The following DLG2 variants were observed in gnomAD, a reference collection of about 807,000 sequenced individuals.
DLG2 encodes disks large homolog 2.
Under a neutral mutation model 132.5 loss-of-function variants are expected in DLG2, and 45 were observed. The ratio of observed to expected loss-of-function variants is 0.34; its 90% CI spans 0.27 to 0.44. The LOEUF (loss-of-function observed/expected upper bound fraction) is 0.44, where lower values mean the gene tolerates loss of function less well. Among genes scored for constraint, DLG2 ranks in the 20% least tolerant of loss-of-function variants. The probability of loss-of-function intolerance (pLI) is 1.00; values close to 1 mark genes in which losing one functional copy is unlikely to be tolerated. For missense variants in DLG2, 1,045 were observed against 1,196.9 expected (o/e 0.87, Z 1.87); for synonymous variants, 424 against 419.6 (o/e 1.01, Z -0.13).
chr11:84,507,768 T>C (rs1413630994), intron 7 of DLG2, among the ~76,000 whole-genome samples: 1 of 152,226 alleles, frequency 6.6e-6, no homozygotes, highest in Non-Finnish European at 1.5e-5. Context: ...ATGTGGTGAA[T>C]ACATTTATTG....
Position 83,456,379 on chromosome 11 carries a change from G to T in DLG2, c.*3439C>A, listed in dbSNP as rs1336677559. 1 of 152,720 alleles carries T rather than the reference G, an allele frequency of 6.5e-6. No homozygotes were observed. Among genetic ancestry groups the T allele is most frequent in the African/African-American group, 2.4e-5 (1 of 41,456 alleles). The allele number at this position is 152,720 out of a possible 1,614,324, so 9.5% of individuals were successfully genotyped here. ...TTCTGGGCTGAGTAGGTGAAACGGC[G>T]ACCTAAAGTATTTGTGTCATTAGTC... On this transcript the variant is annotated 3_prime_UTR_variant, in exon 28 of 28. Coordinates refer to ENST00000376104, the MANE Select transcript of DLG2 (RefSeq NM_001142699.3).
At chr11:84,371,259 C>CTT (rs576166355) in intron 7 of DLG2, among the ~76,000 whole-genome samples, 7 of 137,706 alleles carry the variant, frequency 5.1e-5, no homozygotes, top group East Asian at 2.1e-4. Context: ...TATACAAAAT[C>CTT]TTTTTTTTTT....
chr11:84,021,633 C>T (rs1446613739), intron 11 of DLG2, among the ~76,000 whole-genome samples: 1 of 152,156 alleles, frequency 6.6e-6, no homozygotes. Context: ...GAAATCACTG[C>T]CGTCTAGATA....
chr11:84,804,907 G>A (rs2075820224), intron 6 of DLG2, among the ~76,000 whole-genome samples: 1 of 152,098 alleles, frequency 6.6e-6, no homozygotes, highest in Admixed American at 6.5e-5. Flanking sequence ...CAGTAGTAAA[G>A]CCATCCCTCC....
Position 85,124,961 on chromosome 11 carries a change from G to A in DLG2, c.283-13226C>T, listed in dbSNP as rs143609651. On this transcript the variant is annotated intron_variant, in intron 5 of 27. Transcript: ENST00000376104. ...TTCTCCTGCCTCAGCCTCCCAAGTA[G>A]CTGGGACTACAGGCATCCGCCACCA... Among the ~76,000 whole-genome samples, 1,477 of 152,076 alleles carry A rather than the reference G, an allele frequency of 9.7e-3. 21 individuals are homozygous for A. Among genetic ancestry groups the A allele is most frequent in the African/African-American group, 0.032 (1,341 of 41,488 alleles).
intron 6 of DLG2, among the ~76,000 whole-genome samples, chr11:84,808,853 G>T (rs1670592668): frequency 6.6e-6 from 1 of 151,890 alleles, no homozygotes; most frequent in South Asian, 2.1e-4. Flanking sequence ...AGGCTCAGAT[G>T]ATTTTACTGG....
chr11:84,717,180 G>A (rs1293933362), intron 6 of DLG2, among the ~76,000 whole-genome samples: 1 of 151,998 alleles, frequency 6.6e-6, no homozygotes, highest in Non-Finnish European at 1.5e-5. Flanking sequence ...AATGGTTTTA[G>A]ACTTTGCCAT....
chr11:84,849,371 T>C (rs904469704), intron 6 of DLG2, among the ~76,000 whole-genome samples: 9 of 152,182 alleles, frequency 5.9e-5, no homozygotes, highest in African/African-American at 1.9e-4. Context: ...CATTAACAGA[T>C]AGAATACCAT....
chr11:85,540,256 G>A (rs1436343611), intron 3 of DLG2, among the ~76,000 whole-genome samples: 3 of 152,042 alleles, frequency 2.0e-5, no homozygotes, highest in Non-Finnish European at 4.4e-5. Context: ...GACCACTCTG[G>A]CCCACCACAT....
intron 15 of DLG2, among the ~76,000 whole-genome samples, chr11:83,901,911 C>T (rs61901787): frequency 0.2 from 30,264 of 151,976 alleles, 3,167 homozygotes; most frequent in East Asian, 0.36. Flanking sequence ...ACATCAAACA[C>T]AATGTATGTA....
chr11:84,588,906 C>T lies in DLG2; in HGVS notation c.358-54175G>A, dbSNP rs546930820. 2.6e-5 allele frequency among the ~76,000 whole-genome samples: 4 copies of T among 152,162 alleles called. No individual in the cohort carries two copies. In the East Asian group the frequency reaches 5.8e-4, roughly 22 times the overall value. On this transcript the variant is annotated intron_variant, in intron 6 of 27. Transcript: ENST00000376104. ...TTGCTTTTACTTTACTCTATGGACT[C>T]GCCCTGAATTCTTTCTTGCCTGAGA...
At chr11:84,331,858 G>C (rs867782291) in intron 7 of DLG2, among the ~76,000 whole-genome samples, 3 of 152,230 alleles carry the variant, frequency 2.0e-5, no homozygotes, top group Middle Eastern at 6.8e-3. Flanking sequence ...AACATAAATT[G>C]CAAACTACCT....
chr11:84,524,592 A>G (rs1201981997), intron 7 of DLG2, among the ~76,000 whole-genome samples: 1 of 152,174 alleles, frequency 6.6e-6, no homozygotes, highest in East Asian at 1.9e-4. Context: ...TAGCTTCACA[A>G]ATCTGTTTCT....
chr11:83,697,384 G>A (rs1178216862), intron 18 of DLG2, among the ~76,000 whole-genome samples: 1 of 152,142 alleles, frequency 6.6e-6, no homozygotes, highest in East Asian at 1.9e-4. Flanking sequence ...TCAAACCACA[G>A]GCCACTGGCT....
intron 3 of DLG2, among the ~76,000 whole-genome samples, chr11:85,500,561 TAA>T (rs147303724): frequency 3.6e-5 from 1 of 27,836 alleles, no homozygotes; most frequent in Non-Finnish European, 1.2e-4. Flanking sequence ...AAAAATAAAA[TAA>T]ATAAATAAAT....
At chr11:83,470,133 ATTATT>A (rs1253932008) in intron 24 of DLG2, among the ~76,000 whole-genome samples, 4 of 151,470 alleles carry the variant, frequency 2.6e-5, no homozygotes, top group Admixed American at 2.0e-4. Context: ...TATTCATTAT[ATTATT>A]TTATAAGTAA....
chr11:85,153,432 C>T (rs947525529), intron 5 of DLG2, among the ~76,000 whole-genome samples: 2 of 152,170 alleles, frequency 1.3e-5, no homozygotes, highest in African/African-American at 4.8e-5. Context: ...TTTACTTAGT[C>T]ACCAAGTCCT....
At position 83,873,565 on chromosome 11, in the gene DLG2, T is replaced by C. The variant is rs138706568; in HGVS notation, c.1565+855A>G. 4.8e-3 allele frequency among the ~76,000 whole-genome samples: 725 copies of C among 152,300 alleles called. 1 individual carries two copies. Among genetic ancestry groups the C allele is most frequent in the African/African-American group, 0.016 (680 of 41,566 alleles). ...TGATTGTGAGGCCTCCCTAGCTACA[T>C]GGAAATGCAACTCCACTAAACCTCT... is the stretch of plus-strand genomic sequence containing the variant. On this transcript the variant is annotated intron_variant, in intron 16 of 27. Transcript: ENST00000376104.
At chr11:84,310,955 T>C (rs377541477) in intron 7 of DLG2, among the ~76,000 whole-genome samples, 4 of 152,234 alleles carry the variant, frequency 2.6e-5, no homozygotes, top group African/African-American at 9.7e-5. Flanking sequence ...ACAGTTGTTC[T>C]TGCAGAATTT....
Sources: gnomAD v4.1 joint callset for allele counts (sites outside exome capture counted in the v4.1 genomes callset) on GRCh38, gnomAD v4.1.1 for gene constraint, MANE v1.5 for transcripts, NCBI Gene and HGNC (gene_info 2026-07-23, HGNC 2026-07-21) for gene names.